POFUT3: variants seen among roughly 807,000 people sequenced by gnomAD.
POFUT3 encodes the protein protein O-fucosyltransferase 3, also known as GDP-fucose protein O-fucosyltransferase 3.
At chr8:33,390,187 A>G in the POFUT3 span, among the ~76,000 whole-genome samples, 2 of 149,470 alleles carry the variant, frequency 1.3e-5, no homozygotes, top group South Asian at 2.1e-4. Context: ...CTCAAAATAT[A>G]TGTGTGTGTG....
At chr8:33,314,381 A>C in the POFUT3 span, among the ~76,000 whole-genome samples, 1 of 152,192 alleles carries the variant, frequency 6.6e-6, no homozygotes, top group Non-Finnish European at 1.5e-5. Context: ...TTTCAAAGTC[A>C]ACAGGGACAA....
At chr8:33,350,090 CTTTG>C in the POFUT3 span, among the ~76,000 whole-genome samples, 3 of 151,874 alleles carry the variant, frequency 2.0e-5, no homozygotes, top group South Asian at 2.1e-4. Flanking sequence ...ATTTATATAT[CTTTG>C]TTTGAGAATT....
the POFUT3 span, among the ~76,000 whole-genome samples, chr8:33,326,644 C>T: frequency 6.6e-6 from 1 of 152,168 alleles, no homozygotes; most frequent in African/African-American, 2.4e-5. Flanking sequence ...ACCTCCACAG[C>T]TTGAAGTTAC....
the POFUT3 span, among the ~76,000 whole-genome samples, chr8:33,460,112 C>T: frequency 2.0e-5 from 3 of 151,852 alleles, no homozygotes; most frequent in Non-Finnish European, 4.4e-5. Flanking sequence ...TCGCTTGAAC[C>T]GGGGAGGCAG....
chr8:33,390,423 C>A, the POFUT3 span, among the ~76,000 whole-genome samples: 1 of 151,486 alleles, frequency 6.6e-6, no homozygotes. Flanking sequence ...GCTTTTCTTC[C>A]TGAAAAGTGT....
chr8:33,391,519 A>G, the POFUT3 span, among the ~76,000 whole-genome samples: 1 of 152,234 alleles, frequency 6.6e-6, no homozygotes, highest in Non-Finnish European at 1.5e-5. Context: ...AGATAGAGAA[A>G]CATGAGGATA....
At chr8:33,308,831 C>T in the POFUT3 span, among the ~76,000 whole-genome samples, 1 of 151,958 alleles carries the variant, frequency 6.6e-6, no homozygotes, top group Non-Finnish European at 1.5e-5. Context: ...CAGACTCCAC[C>T]GAAGCTTCAT....
chr8:33,465,230 A>C, the POFUT3 span, among the ~76,000 whole-genome samples: 1 of 152,176 alleles, frequency 6.6e-6, no homozygotes, highest in South Asian at 2.1e-4. Context: ...ATCACCTACT[A>C]AAATGGGAAT....
chr8:33,453,596 G>T, the POFUT3 span: 1 of 1,184,526 alleles, frequency 8.4e-7, no homozygotes, highest in Non-Finnish European at 1.2e-6. Flanking sequence ...TTTAGCCCCT[G>T]ACTCGTTTTC....
chr8:33,382,944 C>A, the POFUT3 span, among the ~76,000 whole-genome samples: 391 of 152,260 alleles, frequency 2.6e-3, 3 homozygotes, highest in African/African-American at 9.0e-3. Flanking sequence ...CACTGTGGAA[C>A]TCTTCTCAGC....
the POFUT3 span, among the ~76,000 whole-genome samples, chr8:33,355,760 T>C: frequency 6.6e-6 from 1 of 152,088 alleles, no homozygotes; most frequent in African/African-American, 2.4e-5. Flanking sequence ...CATGCTGGTG[T>C]GCTGCACCCA....
chr8:33,426,462 G>A, the POFUT3 span, among the ~76,000 whole-genome samples: 1 of 152,136 alleles, frequency 6.6e-6, no homozygotes, highest in Non-Finnish European at 1.5e-5. Flanking sequence ...AGAAGCTGTA[G>A]GAAAAAGTAA....
chr8:33,393,184 A>G, the POFUT3 span, among the ~76,000 whole-genome samples: 3 of 152,226 alleles, frequency 2.0e-5, no homozygotes, highest in Admixed American at 2.0e-4. Flanking sequence ...TGGAGTCTAT[A>G]GAGGAATGAA....
At chr8:33,439,590 G>C in the POFUT3 span, among the ~76,000 whole-genome samples, 7 of 152,082 alleles carry the variant, frequency 4.6e-5, 2 homozygotes, top group Admixed American at 6.6e-5. Context: ...AACTTCAGCC[G>C]GGCGCGGTTG....
At chr8:33,380,100 C>CTATATATACTATATATATACACTA in the POFUT3 span, among the ~76,000 whole-genome samples, 6 of 59,960 alleles carry the variant, frequency 1.0e-4, 1 homozygote, top group Non-Finnish European at 1.3e-4. Flanking sequence ...TATATATACA[C>CTATATATACTATATATATACACTA]TATATATATA....
the POFUT3 span, among the ~76,000 whole-genome samples, chr8:33,472,173 C>T: frequency 7.2e-5 from 11 of 152,286 alleles, no homozygotes; most frequent in African/African-American, 2.6e-4. Context: ...TTGCCTTATT[C>T]AAAACTGTGG....
chr8:33,317,566 G>A, the POFUT3 span, among the ~76,000 whole-genome samples: 1 of 152,112 alleles, frequency 6.6e-6, no homozygotes, highest in Non-Finnish European at 1.5e-5. Context: ...AATTTTGCCT[G>A]TAACATCTGC....
the POFUT3 span, chr8:33,453,143 C>G: frequency 1.4e-6 from 2 of 1,471,364 alleles, no homozygotes; most frequent in Non-Finnish European, 1.9e-6. Flanking sequence ...CATCACTTTT[C>G]AGAGGTAAAC....
At chr8:33,421,958 CT>C in the POFUT3 span, among the ~76,000 whole-genome samples, 1 of 150,732 alleles carries the variant, frequency 6.6e-6, no homozygotes, top group African/African-American at 2.4e-5. Flanking sequence ...AAAGAACAAA[CT>C]TTTTAGGCCA....
Sources: allele counts gnomAD v4.1 joint callset (sites outside exome capture counted in the v4.1 genomes callset), GRCh38; gene constraint gnomAD v4.1.1; transcripts MANE v1.5; gene names NCBI Gene and HGNC (gene_info 2026-07-23, HGNC 2026-07-21).